RARB: variants seen among roughly 807,000 people sequenced by gnomAD.
RARB encodes the protein HBV-activated protein.
RARB carries 17 observed loss-of-function variants against 51.9 expected under a neutral mutation model. The ratio of observed to expected loss-of-function variants is 0.33; its 90% CI spans 0.22 to 0.49. RARB has a LOEUF of 0.49. RARB is among the 20% of genes least tolerant of loss of function. RARB has a pLI of 0.99. For missense variants in RARB, 369 were observed against 550.8 expected, an observed-to-expected ratio of 0.67 and a Z score of 3.30; for synonymous variants, 215 against 195.4, an observed-to-expected ratio of 1.10 and a Z score of -0.84.
intron 2 of RARB, among the ~76,000 whole-genome samples, chr3:25,495,578 A>G (rs754713473): frequency 1.3e-5 from 2 of 152,228 alleles, no homozygotes; most frequent in Admixed American, 6.5e-5. Context: ...TCTAATGCAT[A>G]TATAGCCTTC....
intron 3 of RARB, among the ~76,000 whole-genome samples, chr3:25,564,197 C>T (rs926925933): frequency 7.2e-5 from 11 of 152,062 alleles, no homozygotes; most frequent in Non-Finnish European, 1.2e-4. Context: ...GGTCGAGATC[C>T]GTACATCAGA....
At chr3:25,170,280 C>T (rs1185805339) in intron 4 of RARB, among the ~76,000 whole-genome samples, 1 of 152,130 alleles carries the variant, frequency 6.6e-6, no homozygotes, top group Non-Finnish European at 1.5e-5. Flanking sequence ...CTGTATGAAC[C>T]ACAGTCTCAA....
At chr3:25,051,862 C>A (rs1698340532) in intron 2 of RARB, among the ~76,000 whole-genome samples, 1 of 152,100 alleles carries the variant, frequency 6.6e-6, no homozygotes, top group Admixed American at 6.5e-5. Context: ...GTGAAAGAAA[C>A]AGGTACAAAA....
At chr3:25,002,745 ATT>A (rs1697189696) in intron 2 of RARB, among the ~76,000 whole-genome samples, 1 of 77,854 alleles carries the variant, frequency 1.3e-5, no homozygotes, top group Admixed American at 1.5e-4. Flanking sequence ...TAAAAGACAT[ATT>A]CTGTGTGTGT....
intron 5 of RARB, among the ~76,000 whole-genome samples, chr3:25,194,240 G>A (rs895731545): frequency 9.7e-4 from 17 of 17,458 alleles, no homozygotes; most frequent in Non-Finnish European, 1.9e-3. Context: ...TGGTTACCAG[G>A]GTAGGAAGGA....
Position 25,344,941 on chromosome 3 carries a change from T to C in RARB, c.179-116252T>C, listed in dbSNP as rs1363239790. Among the ~76,000 whole-genome samples the C allele has an allele frequency of 1.2e-4, 15 of 123,742 alleles. No individual in the cohort carries two copies. In the Admixed American group the frequency reaches 1.3e-3, roughly 11 times the overall value. The allele number at this position is 123,742 out of a possible 152,430, so 81.2% of individuals were successfully genotyped here. On this transcript the variant is annotated intron_variant, in intron 5 of 11. Coordinates refer to the RARB transcript ENST00000383772. ...TCATGCACGGTCTCTGAAAAGTATT[T>C]GGCATGTTTGTAAGTTAAAGTATAC...
chr3:24,932,492 C>T (rs1695461411), intron 2 of RARB, among the ~76,000 whole-genome samples: 2 of 149,486 alleles, frequency 1.3e-5, no homozygotes, highest in African/African-American at 4.9e-5. Context: ...TCAATAGCAA[C>T]TCTAAAGTGC....
intron 5 of RARB, among the ~76,000 whole-genome samples, chr3:25,394,663 G>A (rs1407514089): frequency 6.6e-6 from 1 of 152,036 alleles, no homozygotes; most frequent in Non-Finnish European, 1.5e-5. Context: ...GCCTCTCTTT[G>A]TGTTTTTTAA....
At chr3:25,238,468 A>G (rs1469910019) in intron 5 of RARB, among the ~76,000 whole-genome samples, 2 of 152,206 alleles carry the variant, frequency 1.3e-5, no homozygotes, top group African/African-American at 2.4e-5. Flanking sequence ...TGCAGTAAAC[A>G]TGGGGTACAG....
intron 5 of RARB, among the ~76,000 whole-genome samples, chr3:25,345,565 T>C (rs1001033947): frequency 2.0e-5 from 3 of 149,638 alleles, no homozygotes; most frequent in Non-Finnish European, 4.4e-5. Flanking sequence ...CTCGGGAGGC[T>C]GAGGCAGGAG....
chr3:25,473,881 T>G (rs1450995949), intron 2 of RARB, among the ~76,000 whole-genome samples: 2 of 148,074 alleles, frequency 1.4e-5, no homozygotes, highest in African/African-American at 5.0e-5. Flanking sequence ...GGTGACCCTC[T>G]CGGTTCTGCT....
In RARB at chr3:25,311,119, A is replaced by G. The variant is rs150040689; in HGVS notation, c.178+136544A>G. The stretch of plus-strand genomic sequence containing the variant: ...TTAGTGCAATCAAGGAAGGCTTCAT[A>G]GAGGGTGTCGGGTTTGTGCCAAGCC... On this transcript the variant is annotated intron_variant, in intron 5 of 11. Transcript: ENST00000383772. Among the ~76,000 whole-genome samples the G allele has an allele frequency of 1.4e-3, 220 of 152,328 alleles. 1 individual carries two copies. Among genetic ancestry groups the G allele is most frequent in the African/African-American group, 4.9e-3 (203 of 41,580 alleles).
intron 2 of RARB, among the ~76,000 whole-genome samples, chr3:24,898,633 C>T (rs1703529861): frequency 6.6e-6 from 1 of 152,074 alleles, no homozygotes; most frequent in South Asian, 2.1e-4. Context: ...TTTTCTTCTA[C>T]TTTTCTATTT....
chr3:25,287,884 G>T (rs1703693789), intron 5 of RARB, among the ~76,000 whole-genome samples: 1 of 151,940 alleles, frequency 6.6e-6, no homozygotes, highest in Admixed American at 6.6e-5. Flanking sequence ...GATAAAAGTA[G>T]ATCGACTGTG....
At chr3:24,835,636 G>T (rs184834663) in intron 1 of RARB, among the ~76,000 whole-genome samples, 1 of 152,172 alleles carries the variant, frequency 6.6e-6, no homozygotes, top group African/African-American at 2.4e-5. Flanking sequence ...AAAAGCATGG[G>T]AGTGGCAATT....
Position 25,096,346 on chromosome 3 carries a change from G to GATAAGCATTTATGT in RARB, c.-327-35813_-327-35800dup, listed in dbSNP as rs1385768851. Among the ~76,000 whole-genome samples, 3 of 152,128 alleles carry GATAAGCATTTATGT rather than the reference G, an allele frequency of 2.0e-5. No individual in the cohort carries two copies. In the East Asian group the frequency reaches 5.8e-4, roughly 29 times the overall value. On this transcript the variant is annotated intron_variant, in intron 3 of 11. Transcript: ENST00000383772. ...GTGCCTCAAGAGGGGAGAGAAGGAA[G>GATAAGCATTTATGT]ATAAGCATTTATGTAAGACCAGATA... is the stretch of plus-strand genomic sequence containing the variant.
At chr3:25,368,486 G>T (rs1049689727) in intron 5 of RARB, among the ~76,000 whole-genome samples, 1 of 152,156 alleles carries the variant, frequency 6.6e-6, no homozygotes, top group Non-Finnish European at 1.5e-5. Context: ...GATGTTTACT[G>T]TAATATATTA....
At chr3:24,938,593 T>A (rs1490219880) in intron 2 of RARB, among the ~76,000 whole-genome samples, 2 of 152,306 alleles carry the variant, frequency 1.3e-5, no homozygotes, top group East Asian at 1.9e-4. Flanking sequence ...ATAGTTAAAA[T>A]GGTAAATTTT....
At chr3:25,238,092 T>C (rs780764163) in intron 5 of RARB, among the ~76,000 whole-genome samples, 6 of 152,124 alleles carry the variant, frequency 3.9e-5, no homozygotes, top group Non-Finnish European at 8.8e-5. Context: ...TTAGAATTTA[T>C]TCCTTCTATT....
Sources: allele counts gnomAD v4.1 joint callset (sites outside exome capture counted in the v4.1 genomes callset), GRCh38; gene constraint gnomAD v4.1.1; transcripts MANE v1.5; gene names NCBI Gene and HGNC (gene_info 2026-07-23, HGNC 2026-07-21).